NOL4L: variants seen among roughly 807,000 people sequenced by gnomAD.
NOL4L encodes the protein nucleolar protein 4-like.
Under a neutral mutation model 64.5 loss-of-function variants are expected in NOL4L, and 7 were observed. That is an observed-to-expected ratio of 0.11 (90% CI 0.06 to 0.20). NOL4L has a LOEUF of 0.20. Among genes scored for constraint, NOL4L ranks in the 10% least tolerant of loss-of-function variants. The pLI is 1.00. For synonymous variants in NOL4L, 413 were observed against 401.0 expected, an observed-to-expected ratio of 1.03 and a Z score of -0.36; for missense variants, 680 against 967.1, an observed-to-expected ratio of 0.70 and a Z score of 3.94.
chr20:32,541,430 A>G (rs1488346986), intron 1 of NOL4L, among the ~76,000 whole-genome samples: 5 of 152,218 alleles, frequency 3.3e-5, no homozygotes, highest in Admixed American at 3.3e-4. Flanking sequence ...GATCCCAGTC[A>G]AGTGCTCCCT....
At chr20:32,516,659 G>A (rs1435912132) in intron 3 of NOL4L, among the ~76,000 whole-genome samples, 1 of 152,216 alleles carries the variant, frequency 6.6e-6, no homozygotes, top group East Asian at 1.9e-4. Context: ...TGACTTTACA[G>A]ATGAGGCAAC....
chr20:32,485,762 A>G (rs1176884858), intron 4 of NOL4L: 1 of 470,716 alleles, frequency 2.1e-6, no homozygotes, highest in Non-Finnish European at 4.4e-6. Flanking sequence ...GTCCATCCTC[A>G]CTCTGAAAAT....
rs907347049 is a variant in NOL4L, at chr20:32,520,887, G to A, written c.513C>T (p.Ala171=). ...AETYAFLPRE[A]VTRFLMSCTE... is the part of the protein sequence containing the mutation. ...TACAGCTCATCAGGAACCGGGTCAC[G>A]GCCTCTCTCGGGAGGAAGGCATAGG... Residue 171 remains alanine, a synonymous_variant, in exon 3 of 11, where the codon GCC becomes GCT. Transcript: ENST00000621426. The A allele has an allele frequency of 1.1e-5, 17 of 1,550,378 alleles. No individual in the cohort carries two copies. Among genetic ancestry groups the A allele is most frequent in the African/African-American group, 1.4e-5 (1 of 73,018 alleles).
At chr20:32,513,655 G>A (rs2017512863) in intron 3 of NOL4L, among the ~76,000 whole-genome samples, 1 of 152,166 alleles carries the variant, frequency 6.6e-6, no homozygotes, top group African/African-American at 2.4e-5. Flanking sequence ...TTGACCCCAG[G>A]AGTTCAAGGC....
At position 32,550,535 on chromosome 20, in the gene NOL4L, CAGG is replaced by C. The variant is rs1453338517; in HGVS notation, c.322-22625_322-22623del. Among the ~76,000 whole-genome samples, 9 of 152,174 alleles carry C rather than the reference CAGG, an allele frequency of 5.9e-5. No individual in the cohort carries two copies. In the East Asian group the frequency reaches 1.7e-3, roughly 29 times the overall value. On this transcript the variant is annotated intron_variant, in intron 1 of 10. Transcript: ENST00000621426. ...GCGAGGCGAGCTGATCACTTGAGGTCAGGAGTTCAAGACCAGCCTGGTCAACAT... is the reference window on the plus strand; with the variant it reads ...GCGAGGCGAGCTGATCACTTGAGGTCAGTTCAAGACCAGCCTGGTCAACAT...
At chr20:32,539,373 G>A (rs932010634) in intron 1 of NOL4L, among the ~76,000 whole-genome samples, 15 of 152,166 alleles carry the variant, frequency 9.9e-5, no homozygotes, top group Non-Finnish European at 1.6e-4. Flanking sequence ...GGGGCATGAC[G>A]TGAGAGAACC....
At chr20:32,518,387 C>T (rs1311106106) in intron 3 of NOL4L, among the ~76,000 whole-genome samples, 2 of 152,240 alleles carry the variant, frequency 1.3e-5, no homozygotes, top group Admixed American at 6.5e-5. Context: ...TGGCAGCCAG[C>T]GAGGAGAGGA....
chr20:32,499,341 G>A (rs1261169131), intron 4 of NOL4L, among the ~76,000 whole-genome samples: 4 of 152,170 alleles, frequency 2.6e-5, no homozygotes, highest in African/African-American at 9.7e-5. Context: ...AAAGAGGCCT[G>A]GGATAAAGTG....
At chr20:32,523,802 C>T (rs1159335861) in intron 2 of NOL4L, among the ~76,000 whole-genome samples, 3 of 152,172 alleles carry the variant, frequency 2.0e-5, no homozygotes, top group Admixed American at 6.5e-5. Flanking sequence ...TTGCCTTTCA[C>T]ATTTTTCCTG....
chr20:32,456,239 A>G lies in NOL4L; in HGVS notation c.998T>C (p.Ile333Thr). The G allele has an allele frequency of 6.2e-7, 1 of 1,607,878 alleles. No individual in the cohort carries two copies. The highest frequency in any genetic ancestry group is 8.5e-7 in the Non-Finnish European group (1 of 1,177,222). The part of the protein sequence containing the change: ...DFTTAAEDQP[I>T]NLCDKLPPAT... ...CGGCGGGAGCTTGTCACACAGGTTG[A>G]TGGGCTGATCCTCGGCGGCCGTGGT... The change falls in exon 6 of 11, where the codon ATC becomes ACC. Residue 333 changes from isoleucine to threonine, a missense_variant. Coordinates refer to ENST00000621426, the MANE Select transcript of NOL4L (RefSeq NM_001256798.2).
At position 32,581,886 on chromosome 20, in the gene NOL4L, G is replaced by GTGTGTC. The variant is rs368188497; in HGVS notation, c.321+2683_321+2684insGACACA. 8.1e-5 allele frequency: 10 copies of GTGTGTC among 123,554 alleles called. No individual in the cohort carries two copies. In the South Asian group the frequency reaches 1.1e-3, roughly 13 times the overall value. 7.7% of individuals were successfully genotyped at this position (123,554 alleles called of 1,614,324 possible). On this transcript the variant is annotated intron_variant, in intron 1 of 10. Transcript: ENST00000621426. ...CCCAAATGACACCAGGGGTGAGGGG[G>GTGTGTC]TGTGTGTGTGTGTGTGTGTAGGCCA...
chr20:32,584,376 C>A (rs917771716), intron 1 of NOL4L, among the ~76,000 whole-genome samples, 194 bp downstream of exon 1: 16 of 151,442 alleles, frequency 1.1e-4, no homozygotes, highest in Non-Finnish European at 1.6e-4. Context: ...CAGGGACGCC[C>A]CGAACCCGGA....
At chr20:32,484,498 C>T (rs529594305) in intron 4 of NOL4L, among the ~76,000 whole-genome samples, 1 of 152,080 alleles carries the variant, frequency 6.6e-6, no homozygotes, top group Admixed American at 6.5e-5. Flanking sequence ...TCCTCCCCGC[C>T]CCCCGCGGGC....
Position 32,511,348 on chromosome 20 carries a change from T to C in NOL4L, c.698A>G (p.Gln233Arg). The change falls in exon 4 of 11, where the codon CAG (glutamine) becomes CGG (arginine). Residue 233 changes from glutamine to arginine, a missense_variant and splice_region_variant. Physicochemically the swap from Gln to Arg is conservative, Grantham distance 43 (BLOSUM62 1). Around this residue, in one of 4 missense-constraint regions of NOL4L, gnomAD observed 181 missense variants for 335.2 expected, o/e 0.54. Transcript: ENST00000621426. ...MKLRVMNSQE[Q>R]DETSVSSEDF... Reference sequence around the variant, plus strand: ...GGTGAGGGGAGACGGCCGCCTTACCTGCTCCTGGGAATTCATCACTCGAAG... The same window carrying C: ...GGTGAGGGGAGACGGCCGCCTTACCCGCTCCTGGGAATTCATCACTCGAAG... The C allele has an allele frequency of 1.3e-6, 2 of 1,548,332 alleles. No individual in the cohort carries two copies. The highest frequency in any genetic ancestry group is 8.7e-7 in the Non-Finnish European group (1 of 1,145,210).
intron 4 of NOL4L, among the ~76,000 whole-genome samples, chr20:32,475,568 C>T (rs2015339467): frequency 6.6e-6 from 1 of 152,266 alleles, no homozygotes; most frequent in African/African-American, 2.4e-5. Context: ...CAACCCAGCC[C>T]TCCAGGGGGA....
intron 1 of NOL4L, among the ~76,000 whole-genome samples, chr20:32,558,569 C>T (rs932796996): frequency 3.9e-5 from 6 of 152,166 alleles, no homozygotes; most frequent in Non-Finnish European, 5.9e-5. Context: ...ATCACACAGC[C>T]GGCTGGGTAC....
At chr20:32,578,140 G>GAAGGAAGGA (rs201607781) in intron 1 of NOL4L, among the ~76,000 whole-genome samples, 4 of 102,614 alleles carry the variant, frequency 3.9e-5, no homozygotes, top group African/African-American at 2.2e-4. Context: ...AGGAAGGAAG[G>GAAGGAAGGA]AGGGAGGGAG....
chr20:32,447,058 T>A lies in NOL4L; in HGVS notation c.*538A>T. 3 of 365,148 alleles carry A rather than the reference T, an allele frequency of 8.2e-6. No individual in the cohort carries two copies. The highest frequency in any genetic ancestry group is 6.1e-5 in the South Asian group (3 of 49,064). The allele number at this position is 365,148 out of a possible 1,614,324, so 22.6% of individuals were successfully genotyped here. A position where few individuals can be genotyped will look rare whatever the true frequency, so the allele number is the denominator to read the frequency against. ...CTGCCCCTACTGGCCCCAGCCCACA[T>A]CAGTGTAGTGATATGGAATGTTAGG... On this transcript the variant is annotated 3_prime_UTR_variant, in exon 11 of 11. Coordinates refer to ENST00000621426, the MANE Select transcript of NOL4L (RefSeq NM_001256798.2).
chr20:32,545,029 CA>C (rs1483271103), intron 1 of NOL4L, among the ~76,000 whole-genome samples: 1 of 152,178 alleles, frequency 6.6e-6, no homozygotes, highest in Admixed American at 6.5e-5. Flanking sequence ...AGGTCCTAAG[CA>C]GGAGGTCTCA....
Sources: gnomAD v4.1 joint callset for allele counts (sites outside exome capture counted in the v4.1 genomes callset) on GRCh38, gnomAD v4.1.1 for gene constraint, gnomAD v4.1.1 regional missense constraint, MANE v1.5 for transcripts, NCBI Gene and HGNC (gene_info 2026-07-23, HGNC 2026-07-21) for gene names.